SLC12A7: variants seen among roughly 807,000 people sequenced by gnomAD.
SLC12A7 encodes K-Cl cotransporter 4.
Under a neutral mutation model 120.6 loss-of-function variants are expected in SLC12A7, and 100 were observed. That is an observed-to-expected ratio of 0.83 (90% CI 0.71 to 0.98). The LOEUF (loss-of-function observed/expected upper bound fraction) is 0.98. Ranked by LOEUF, SLC12A7 falls within the 50% of genes least tolerant of loss-of-function variation. The pLI, the probability that SLC12A7 is intolerant of heterozygous loss-of-function variation, is 0.00. For missense variants in SLC12A7, 1,373 were observed against 1,548.1 expected, an observed-to-expected ratio of 0.89 and a Z score of 1.90; for synonymous variants, 760 against 678.0, an observed-to-expected ratio of 1.12 and a Z score of -1.88.
intron 18 of SLC12A7, 48 bp downstream of exon 18, chr5:1,065,227 GAGAGGACA>G: frequency 7.7e-7 from 1 of 1,304,118 alleles, no homozygotes; most frequent in African/African-American, 1.5e-5. Context: ...AGGGGACACT[GAGAGGACA>G]CAGAGGGGAC....
intron 5 of SLC12A7, among the ~76,000 whole-genome samples, chr5:1,087,722 C>T (rs563529974): frequency 9.8e-5 from 15 of 152,378 alleles, no homozygotes; most frequent in African/African-American, 3.1e-4. Context: ...GCCGTTAACA[C>T]GCGCAGCACA....
the SLC12A7 span, among the ~76,000 whole-genome samples, chr5:1,143,050 C>T: frequency 6.6e-6 from 1 of 152,168 alleles, no homozygotes; most frequent in African/African-American, 2.4e-5. Flanking sequence ...ACAGAGCTTA[C>T]GGCTCCATCT....
At chr5:1,132,186 T>C in the SLC12A7 span, among the ~76,000 whole-genome samples, 1 of 152,148 alleles carries the variant, frequency 6.6e-6, no homozygotes, top group East Asian at 1.9e-4. Context: ...CTAATTCGAA[T>C]GCATTAGCAT....
At chr5:1,155,379 C>T in the SLC12A7 span, among the ~76,000 whole-genome samples, 7 of 152,194 alleles carry the variant, frequency 4.6e-5, no homozygotes, top group African/African-American at 7.2e-5. Context: ...CTGGACTCTG[C>T]AGCCGCGGGA....
the SLC12A7 span, among the ~76,000 whole-genome samples, chr5:1,137,315 C>T: frequency 6.6e-6 from 1 of 152,174 alleles, no homozygotes. Context: ...AAACCAAGGA[C>T]TCCGAAGGAC....
rs1734963755 is a variant in SLC12A7 at position 1,050,882 on chromosome 5, A to G, written c.*1478T>C. 2.5e-6 allele frequency: 1 copy of G among 398,530 alleles called. No individual in the cohort carries two copies. Among genetic ancestry groups the G allele is most frequent in the Non-Finnish European group, 4.4e-6 (1 of 226,070 alleles). 24.7% of individuals were successfully genotyped at this position (398,530 alleles called of 1,614,324 possible). On this transcript the variant is annotated 3_prime_UTR_variant, in exon 24 of 24. Coordinates refer to ENST00000264930, the MANE Select transcript of SLC12A7 (RefSeq NM_006598.3). ...TGGCTCCTCAGAAACATCTGGGGGC[A>G]CAAGTGCAGCCTCTGCCCCGATTTG...
At chr5:1,065,976 G>A (rs1215254950) in intron 17 of SLC12A7, among the ~76,000 whole-genome samples, 1 of 152,158 alleles carries the variant, frequency 6.6e-6, no homozygotes, top group Non-Finnish European at 1.5e-5. Flanking sequence ...GTTGGAGGGG[G>A]TCACTGCTGT....
chr5:1,138,498 C>T, the SLC12A7 span, among the ~76,000 whole-genome samples: 1 of 152,330 alleles, frequency 6.6e-6, no homozygotes, highest in South Asian at 2.1e-4. Context: ...TACCCAGAGG[C>T]CCAGCGGGCT....
chr5:1,073,483 C>T, intron 17 of SLC12A7, 150 bp downstream of exon 17: 1 of 881,896 alleles, frequency 1.1e-6, no homozygotes, highest in Non-Finnish European at 1.6e-6. Context: ...TAGCGCGCTG[C>T]TCTGAGCTCA....
At chr5:1,140,551 C>T in the SLC12A7 span, among the ~76,000 whole-genome samples, 3 of 152,196 alleles carry the variant, frequency 2.0e-5, no homozygotes, top group South Asian at 2.1e-4. Flanking sequence ...TGGAGGGAGG[C>T]GTCATTCTGT....
In SLC12A7 at chr5:1,076,845, T is replaced by C. The variant is rs776612051; in HGVS notation, c.1630-33A>G. On this transcript the variant is annotated intron_variant, in intron 12 of 23. Coordinates refer to ENST00000264930, the MANE Select transcript of SLC12A7 (RefSeq NM_006598.3). The stretch of plus-strand genomic sequence containing the variant: ...GAGAAGGGCAGGAAGATGGGGCAGA[T>C]GACACCACCCTTTTAGGAGAGAAGC... 3.9e-5 allele frequency: 55 copies of C among 1,409,532 alleles called. 1 individual carries two copies. The highest frequency in any genetic ancestry group is 1.9e-4 in the South Asian group (17 of 87,204). 87.3% of individuals were successfully genotyped at this position (1,409,532 alleles called of 1,614,324 possible).
intron 3 of SLC12A7, among the ~76,000 whole-genome samples, chr5:1,093,278 A>G (rs1315419354): frequency 6.6e-6 from 1 of 152,164 alleles, no homozygotes; most frequent in Non-Finnish European, 1.5e-5. Context: ...CCCCAAGTTC[A>G]TTTCTCGACA....
rs747887241 is a variant in SLC12A7 at position 1,053,452 on chromosome 5, C to A, written c.3057G>T (p.Thr1019=). ...PDQSNVRRMH[T]AVKLNGVVLN... The stretch of plus-strand genomic sequence containing the variant: ...GGACGACGCCATTGAGCTTCACAGC[C>A]GTGTGCATCCGCCTGACGTTGGACT... Residue 1019 remains threonine (T), a synonymous_variant, in exon 23 of 24, where the codon ACG becomes ACT. Coordinates refer to ENST00000264930, the MANE Select transcript of SLC12A7 (RefSeq NM_006598.3). 3.7e-6 allele frequency: 6 copies of A among 1,613,678 alleles called. No homozygotes were observed. The South Asian group carries it at 5.5e-5, about 15-fold the overall frequency.
At chr5:1,134,531 C>T in the SLC12A7 span, among the ~76,000 whole-genome samples, 5 of 151,930 alleles carry the variant, frequency 3.3e-5, no homozygotes. Flanking sequence ...AAAATGAATG[C>T]TGTAAGAATG....
intron 15 of SLC12A7, 112 bp from the exon 16 acceptor site, chr5:1,074,783 A>G (rs1386412250): frequency 6.0e-6 from 6 of 994,552 alleles, no homozygotes; most frequent in African/African-American, 1.6e-5. Flanking sequence ...GACCCCCAGG[A>G]AAAGTCCCTG....
the SLC12A7 span, among the ~76,000 whole-genome samples, chr5:1,146,935 G>A: frequency 1.3e-5 from 2 of 151,984 alleles, no homozygotes; most frequent in South Asian, 2.1e-4. The surrounding 1 kb of genome is among the most constrained non-coding windows in gnomAD (Gnocchi z 6.5). Flanking sequence ...AGCTGCACCC[G>A]CCCACCTCCC....
chr5:1,081,545 A>G lies in SLC12A7; in HGVS notation c.1297+32T>C, dbSNP rs779550724. 5 of 1,583,544 alleles carry G rather than the reference A, an allele frequency of 3.2e-6. No individual in the cohort carries two copies. The Admixed American group carries it at 8.6e-5, about 27-fold the overall frequency. ...TCAAAAAAGAGAGGGAGAGAAAGAA[A>G]GAGAAGGGGAAGCCTGGAGCAGCGG... On this transcript the variant is annotated intron_variant, in intron 9 of 23. Transcript: ENST00000264930.
intron 17 of SLC12A7, among the ~76,000 whole-genome samples, chr5:1,067,377 G>A (rs187956288): frequency 1.1e-4 from 17 of 152,230 alleles, no homozygotes; most frequent in South Asian, 2.1e-4. Flanking sequence ...CACCCGCATC[G>A]GGCGTCATGT....
chr5:1,078,250 A>T (rs1738595569), intron 11 of SLC12A7, among the ~76,000 whole-genome samples: 1 of 151,986 alleles, frequency 6.6e-6, no homozygotes, highest in African/African-American at 2.4e-5. Flanking sequence ...CGCTCTTGGG[A>T]GCAGGGAAGA....
Sources: gnomAD v4.1 joint callset for allele counts (sites outside exome capture counted in the v4.1 genomes callset) on GRCh38, gnomAD v4.1.1 for gene constraint, Gnocchi (gnomAD v3.1) non-coding constraint, MANE v1.5 for transcripts, NCBI Gene and HGNC (gene_info 2026-07-23, HGNC 2026-07-21) for gene names.